The following KAT2B variants were observed in gnomAD, a reference collection of about 807,000 sequenced individuals.
KAT2B encodes lysine acetyltransferase 2B, also known as histone acetyltransferase KAT2B.
A neutral mutation model predicts 105.9 loss-of-function variants in KAT2B; 36 were observed. The ratio of observed to expected loss-of-function variants is 0.34; its 90% CI spans 0.26 to 0.45. KAT2B has a LOEUF of 0.45. KAT2B is among the 20% of genes least tolerant of loss of function. The pLI, the probability that KAT2B is intolerant of heterozygous loss-of-function variation, is 1.00. For synonymous variants in KAT2B, 397 were observed against 377.9 expected (o/e 1.05, Z -0.59); for missense variants, 820 against 1,021.6 (o/e 0.80, Z 2.69).
chr3:20,100,995 T>C (rs1436010278), intron 4 of KAT2B: 2 of 390,774 alleles, frequency 5.1e-6, no homozygotes, highest in East Asian at 8.0e-5. Context: ...GTTTCAGGGG[T>C]TTTGACCTTT....
At chr3:20,093,326 T>G (rs1192122965) in intron 2 of KAT2B, among the ~76,000 whole-genome samples, 1 of 152,174 alleles carries the variant, frequency 6.6e-6, no homozygotes, top group Non-Finnish European at 1.5e-5. Flanking sequence ...AACACTTACC[T>G]CAGAGTTATT....
At chr3:20,094,269 G>T (rs1298564397) in intron 2 of KAT2B, among the ~76,000 whole-genome samples, 1 of 152,146 alleles carries the variant, frequency 6.6e-6, no homozygotes, top group Non-Finnish European at 1.5e-5. Flanking sequence ...GAGAGAGCGA[G>T]CGAGCGAGGA....
chr3:20,126,002 A>G lies in KAT2B; in HGVS notation c.1511A>G (p.Asn504Ser). 1 of 1,614,032 alleles carries G rather than the reference A, an allele frequency of 6.2e-7. No homozygotes were observed. The highest frequency in any genetic ancestry group is 1.7e-5 in the Admixed American group (1 of 60,010). The change falls in exon 10 of 18, where the codon AAC becomes AGC. Residue 504 changes from asparagine (N) to serine (S), a missense_variant. Physicochemically the swap from Asn to Ser is conservative, Grantham distance 46. Coordinates refer to ENST00000263754, the MANE Select transcript of KAT2B (RefSeq NM_003884.5). ...IEFHVVGNSL[N>S]QKPNKKILMW... ...TTTCACGTGGTTGGCAATTCCCTCA[A>G]CCAGAAACCAAACAAGAAGATCCTG...
At chr3:20,134,193 A>G (rs555396777) in intron 11 of KAT2B, among the ~76,000 whole-genome samples, 3 of 152,260 alleles carry the variant, frequency 2.0e-5, no homozygotes, top group Non-Finnish European at 2.9e-5. Context: ...CCTAAGTTAT[A>G]TGCCCACTTT....
intron 1 of KAT2B, among the ~76,000 whole-genome samples, chr3:20,042,106 G>A (rs1697729869): frequency 6.6e-6 from 1 of 152,198 alleles, no homozygotes; most frequent in Non-Finnish European, 1.5e-5. Context: ...TTAAAATGCT[G>A]ATTATGAATC....
intron 3 of KAT2B, among the ~76,000 whole-genome samples, chr3:20,097,764 T>C (rs947788396): frequency 1.3e-5 from 2 of 152,054 alleles, no homozygotes; most frequent in Non-Finnish European, 2.9e-5. Context: ...CTTGAACTCC[T>C]AGCCTCAAGT....
chr3:20,126,024 C>A lies in KAT2B; in HGVS notation c.1533C>A (p.Ile511=). 1 of 1,614,120 alleles carries A rather than the reference C, an allele frequency of 6.2e-7. No individual in the cohort carries two copies. Among genetic ancestry groups the A allele is most frequent in the Non-Finnish European group, 8.5e-7 (1 of 1,180,006 alleles). The stretch of plus-strand genomic sequence containing the variant: ...TCAACCAGAAACCAAACAAGAAGAT[C>A]CTGATGTGGCTGGTTGGCCTACAGA... ...NSLNQKPNKK[I]LMWLVGLQNV... The change falls in exon 10 of 18, where the codon ATC becomes ATA. Residue 511 remains isoleucine (I), a synonymous_variant. Transcript: ENST00000263754.
intron 17 of KAT2B, 116 bp from the exon 18 acceptor site, chr3:20,152,216 T>C (rs935910841): frequency 4.8e-6 from 3 of 618,616 alleles, no homozygotes; most frequent in Non-Finnish European, 8.2e-6. Flanking sequence ...AATAAAAGCA[T>C]TGGGATGATA....
At chr3:20,056,058 A>C (rs997271843) in intron 1 of KAT2B, among the ~76,000 whole-genome samples, 6 of 152,204 alleles carry the variant, frequency 3.9e-5, no homozygotes, top group African/African-American at 1.4e-4. Context: ...GGCTGTTTCC[A>C]GTGAATTCAA....
At chr3:20,078,928 G>T (rs1327898743) in intron 2 of KAT2B, among the ~76,000 whole-genome samples, 1 of 148,168 alleles carries the variant, frequency 6.7e-6, no homozygotes, top group Non-Finnish European at 1.5e-5. Context: ...AGGATGGAGT[G>T]CAGTGGCGCG....
chr3:20,140,419 G>T, intron 13 of KAT2B, 55 bp downstream of exon 13: 1 of 1,589,740 alleles, frequency 6.3e-7, no homozygotes, highest in Non-Finnish European at 8.6e-7. Context: ...TAGCTGGGGT[G>T]GGTTGCATTT....
intron 1 of KAT2B, among the ~76,000 whole-genome samples, chr3:20,071,310 G>A (rs1362078938): frequency 6.6e-6 from 1 of 152,304 alleles, no homozygotes; most frequent in East Asian, 1.9e-4. Flanking sequence ...CTACCCTAGA[G>A]TGACTTCATC....
At chr3:20,075,471 A>T (rs1293295609) in intron 2 of KAT2B, among the ~76,000 whole-genome samples, 1 of 151,986 alleles carries the variant, frequency 6.6e-6, no homozygotes, top group African/African-American at 2.4e-5. Flanking sequence ...CCACAGGTTA[A>T]GGGCACAGTC....
intron 11 of KAT2B, among the ~76,000 whole-genome samples, chr3:20,134,421 G>A (rs543274801): frequency 3.3e-5 from 5 of 150,590 alleles, no homozygotes; most frequent in Admixed American, 6.5e-5. Context: ...TGTTTGAGAC[G>A]GAGTCTCGCT....
chr3:20,065,879 T>C (rs976511668), intron 1 of KAT2B, among the ~76,000 whole-genome samples: 1 of 152,198 alleles, frequency 6.6e-6, no homozygotes, highest in Non-Finnish European at 1.5e-5. Context: ...TATAGTCTAG[T>C]GCACCAATAT....
At chr3:20,057,523 A>G (rs938890315) in intron 1 of KAT2B, among the ~76,000 whole-genome samples, 8 of 152,206 alleles carry the variant, frequency 5.3e-5, no homozygotes, top group African/African-American at 1.7e-4. Context: ...GAACTGCTCA[A>G]TGTTAGCCAA....
intron 6 of KAT2B, among the ~76,000 whole-genome samples, chr3:20,113,355 C>G (rs1253418927): frequency 6.6e-6 from 1 of 152,206 alleles, no homozygotes; most frequent in Non-Finnish European, 1.5e-5. Context: ...CCTCCCTTCC[C>G]AACACCTGTT....
At chr3:20,113,810 C>T (rs547743340) in intron 6 of KAT2B, among the ~76,000 whole-genome samples, 3 of 152,188 alleles carry the variant, frequency 2.0e-5, no homozygotes, top group South Asian at 4.1e-4. Context: ...ATATGTGCTG[C>T]CTTTTTTTCC....
At chr3:20,135,968 G>A (rs914038958) in intron 11 of KAT2B, among the ~76,000 whole-genome samples, 7 of 152,182 alleles carry the variant, frequency 4.6e-5, no homozygotes, top group South Asian at 4.1e-4. Context: ...CCAAGGAATT[G>A]GCCTACGTTG....
Sources: gnomAD v4.1 joint callset for allele counts (sites outside exome capture counted in the v4.1 genomes callset) on GRCh38, gnomAD v4.1.1 for gene constraint, MANE v1.5 for transcripts, NCBI Gene and HGNC (gene_info 2026-07-23, HGNC 2026-07-21) for gene names.